MARCHF1: variants seen among roughly 807,000 people sequenced by gnomAD.
MARCHF1 encodes the protein membrane associated ring-CH-type finger 1, also known as E3 ubiquitin-protein ligase MARCHF1.
In MARCHF1, 40 loss-of-function variants were observed where a neutral mutation model predicts 54.2. The ratio of observed to expected loss-of-function variants is 0.74; its 90% CI spans 0.57 to 0.96. The LOEUF is 0.96. Among genes scored for constraint, MARCHF1 ranks in the 40% least tolerant of loss-of-function variants. The probability of loss-of-function intolerance (pLI) is 0.00; values close to 1 mark genes in which losing one functional copy is unlikely to be tolerated. For synonymous variants in MARCHF1, 236 were observed against 236.3 expected (o/e 1.00, Z 0.01); for missense variants, 586 against 656.5 (o/e 0.89, Z 1.17).
intron 3 of MARCHF1, among the ~76,000 whole-genome samples, chr4:163,980,965 G>T (rs1032272490): frequency 1.3e-5 from 2 of 152,116 alleles, no homozygotes; most frequent in African/African-American, 4.8e-5. Flanking sequence ...CCACTGTATG[G>T]AGCTCGCTTA....
chr4:163,731,821 A>G (rs1745849266), intron 4 of MARCHF1, among the ~76,000 whole-genome samples: 1 of 152,206 alleles, frequency 6.6e-6, no homozygotes, highest in South Asian at 2.1e-4. Flanking sequence ...GGAATCAGCT[A>G]AAGTATTAAG....
intron 2 of MARCHF1, among the ~76,000 whole-genome samples, chr4:164,061,706 A>G (rs1343496854): frequency 6.6e-6 from 1 of 152,166 alleles, no homozygotes; most frequent in Admixed American, 6.5e-5. Context: ...AATTAAAAAA[A>G]ACAACATAAA....
intron 2 of MARCHF1, among the ~76,000 whole-genome samples, chr4:164,098,969 G>T (rs7698362): frequency 6.6e-6 from 1 of 152,122 alleles, no homozygotes; most frequent in South Asian, 2.1e-4. Flanking sequence ...ATTGCAAAGC[G>T]GAAAAGATTA....
intron 3 of MARCHF1, among the ~76,000 whole-genome samples, chr4:163,941,825 G>A (rs528658137): frequency 2.0e-4 from 31 of 152,212 alleles, no homozygotes; most frequent in African/African-American, 7.2e-4. Flanking sequence ...TATAGTAAGT[G>A]CTATAAAAAT....
rs1382851450 is a variant in MARCHF1 at position 163,568,292 on chromosome 4, A to G, written c.1191+17457T>C. On this transcript the variant is annotated intron_variant, in intron 8 of 9. Transcript: ENST00000514618. ...ACCCTTTCAAGGGATCCATGCAGTC[A>G]AAACTAATGATAATTCTTTGTTTTT... 2.6e-5 allele frequency among the ~76,000 whole-genome samples: 4 copies of G among 152,274 alleles called. No homozygotes were observed. The East Asian group carries it at 7.7e-4, about 29-fold the overall frequency.
At chr4:164,245,206 C>T (rs7690157) in intron 1 of MARCHF1, among the ~76,000 whole-genome samples, 9,645 of 151,962 alleles carry the variant, frequency 0.063, 339 homozygotes, top group Middle Eastern at 0.14. Flanking sequence ...GCAAAAATCC[C>T]CAATAAAATA....
chr4:164,284,119 C>A (rs944157732), intron 1 of MARCHF1, among the ~76,000 whole-genome samples: 1 of 150,934 alleles, frequency 6.6e-6, no homozygotes, highest in African/African-American at 2.4e-5. Context: ...AAGCTTAGGT[C>A]CTGAGATGCT....
At chr4:164,345,573 CATAATAATAATAATAATAATAATA>C (rs5863679) in intron 1 of MARCHF1, among the ~76,000 whole-genome samples, 6 of 143,390 alleles carry the variant, frequency 4.2e-5, no homozygotes, top group Admixed American at 3.5e-4. Context: ...CTGTCTCAAA[CATAATAATAATAATAATAATAATA>C]ATAATAATAA....
chr4:164,159,317 ATC>A (rs1730167062), intron 1 of MARCHF1, among the ~76,000 whole-genome samples: 2 of 152,146 alleles, frequency 1.3e-5, no homozygotes, highest in African/African-American at 2.4e-5. Flanking sequence ...TATTTATTTA[ATC>A]TCTGTTAAAT....
chr4:164,108,584 A>G (rs1755761343), intron 2 of MARCHF1, among the ~76,000 whole-genome samples: 1 of 152,094 alleles, frequency 6.6e-6, no homozygotes, highest in Admixed American at 6.6e-5. Flanking sequence ...GATTATAGCA[A>G]TTTAGAAGCA....
At chr4:164,011,566 G>A (rs998732981) in intron 2 of MARCHF1, among the ~76,000 whole-genome samples, 3 of 152,138 alleles carry the variant, frequency 2.0e-5, no homozygotes, top group African/African-American at 7.2e-5. Flanking sequence ...ACGAAAATGA[G>A]ATACAAATAT....
chr4:164,083,074 C>G (rs2111116987), intron 2 of MARCHF1, among the ~76,000 whole-genome samples: 1 of 152,204 alleles, frequency 6.6e-6, no homozygotes, highest in East Asian at 1.9e-4. Context: ...TACCCATGTA[C>G]CACTCTTCAT....
At chr4:164,278,663 G>GAGTAA (rs1174040298) in intron 1 of MARCHF1, among the ~76,000 whole-genome samples, 1 of 152,134 alleles carries the variant, frequency 6.6e-6, no homozygotes, top group Non-Finnish European at 1.5e-5. Flanking sequence ...AAATGTATCT[G>GAGTAA]AGTAGCAGCA....
intron 4 of MARCHF1, among the ~76,000 whole-genome samples, chr4:163,807,366 T>A (rs1748256077): frequency 6.6e-6 from 1 of 152,218 alleles, no homozygotes; most frequent in South Asian, 2.1e-4. Flanking sequence ...TCTATGGGTA[T>A]GTAAATTGCT....
chr4:164,129,219 A>G (rs1208235947), intron 1 of MARCHF1, among the ~76,000 whole-genome samples: 3 of 152,190 alleles, frequency 2.0e-5, no homozygotes, highest in Non-Finnish European at 4.4e-5. Context: ...ATAATGATTA[A>G]GAAGGAGGAA....
At chr4:164,235,151 T>C (rs1445990356) in intron 1 of MARCHF1, among the ~76,000 whole-genome samples, 2 of 152,086 alleles carry the variant, frequency 1.3e-5, no homozygotes, top group Non-Finnish European at 2.9e-5. Flanking sequence ...TCATATGTAA[T>C]TATAAACTTT....
chr4:163,736,962 TA>T (rs1289857306), intron 4 of MARCHF1, among the ~76,000 whole-genome samples: 1 of 152,008 alleles, frequency 6.6e-6, no homozygotes, highest in Non-Finnish European at 1.5e-5. Context: ...ATGATGGCCC[TA>T]ACACATTCAG....
At chr4:164,306,285 C>A (rs1221951220) in intron 1 of MARCHF1, among the ~76,000 whole-genome samples, 1 of 152,056 alleles carries the variant, frequency 6.6e-6, no homozygotes, top group Non-Finnish European at 1.5e-5. Flanking sequence ...TAGCATTTTT[C>A]TTGGCTGAAA....
At chr4:163,629,614 A>G (rs1048091476) in intron 5 of MARCHF1, among the ~76,000 whole-genome samples, 6 of 152,228 alleles carry the variant, frequency 3.9e-5, no homozygotes, top group Non-Finnish European at 8.8e-5. Context: ...CATCAGAGTG[A>G]ACAGGCAACC....
Sources: allele counts gnomAD v4.1 joint callset (sites outside exome capture counted in the v4.1 genomes callset), GRCh38; gene constraint gnomAD v4.1.1; transcripts MANE v1.5; gene names NCBI Gene and HGNC (gene_info 2026-07-23, HGNC 2026-07-21).